The following IL1RAPL1 variants were observed in gnomAD, a reference collection of about 807,000 sequenced individuals.
IL1RAPL1 encodes the protein interleukin-1 receptor accessory protein-like 1.
A neutral mutation model predicts 48.4 loss-of-function variants in IL1RAPL1; 3 were observed. The observed-to-expected ratio is 0.06, with a 90% CI of 0.03 to 0.16. The LOEUF is 0.16. IL1RAPL1 is among the 10% of genes least tolerant of loss of function. The probability of loss-of-function intolerance (pLI) is 1.00; values close to 1 mark genes in which losing one functional copy is unlikely to be tolerated. For synonymous variants in IL1RAPL1, 185 were observed against 187.7 expected (o/e 0.99, Z 0.12); for missense variants, 349 against 530.6 (o/e 0.66, Z 3.36).
rs575177386 is a variant in IL1RAPL1 at position 29,012,651 on chromosome X, C to A, written c.82+223226C>A. ...ATACCCCAAAGAAATCAACAGTTTA[C>A]AAATGGAAAACTCATTTTGAGAAGG... On this transcript the variant is annotated intron_variant, in intron 2 of 10. Coordinates refer to ENST00000378993, the MANE Select transcript of IL1RAPL1 (RefSeq NM_014271.4). Among the ~76,000 whole-genome samples the A allele has an allele frequency of 7.1e-5, 8 of 112,104 alleles. No individual in the cohort carries two copies. The South Asian group carries it at 3.0e-3, about 41-fold the overall frequency.
chrX:28,642,493 G>A (rs1934558206), intron 1 of IL1RAPL1, among the ~76,000 whole-genome samples: 1 of 111,950 alleles, frequency 8.9e-6, no homozygotes, highest in African/African-American at 3.3e-5. Flanking sequence ...TAGAACTCAG[G>A]ATTAAGAAAC....
chrX:29,591,430 T>C (rs1422846665), intron 5 of IL1RAPL1, among the ~76,000 whole-genome samples: 1 of 112,636 alleles, frequency 8.9e-6, no homozygotes, highest in East Asian at 2.8e-4. Context: ...AGGACACTTC[T>C]GTGAATTAGC....
rs748535251 is a variant in IL1RAPL1, at chrX:29,230,528, A to AAAAAAAAAAAAAAAAC, written c.83-52403_83-52402insAAAAAAAACAAAAAAA. 3.0e-5 allele frequency among the ~76,000 whole-genome samples: 3 copies of AAAAAAAAAAAAAAAAC among 99,108 alleles called. 1 individual carries two copies. Among genetic ancestry groups the AAAAAAAAAAAAAAAAC allele is most frequent in the Non-Finnish European group, 6.1e-5 (3 of 48,842 alleles). 86.1% of individuals were successfully genotyped at this position (99,108 alleles called of 115,157 possible). A position where few individuals can be genotyped will look rare whatever the true frequency, so the allele number is the denominator to read the frequency against. On this transcript the variant is annotated intron_variant, in intron 2 of 10. Coordinates refer to ENST00000378993, the MANE Select transcript of IL1RAPL1 (RefSeq NM_014271.4). ...CCAAAAAAAAAAAAAAAAAAAAAAA[A>AAAAAAAAAAAAAAAAC]AAAAAAACCTTGTTGTCTCTCAGGC...
intron 1 of IL1RAPL1, among the ~76,000 whole-genome samples, chrX:28,669,948 C>A (rs1045416611): frequency 5.5e-5 from 6 of 109,264 alleles, no homozygotes; most frequent in Admixed American, 1.0e-4. Context: ...TTTTCTCAGG[C>A]AAATGTAGAG....
At chrX:29,117,845 G>A (rs1928706802) in intron 2 of IL1RAPL1, among the ~76,000 whole-genome samples, 1 of 111,515 alleles carries the variant, frequency 9.0e-6, no homozygotes, top group Admixed American at 9.5e-5. Context: ...TTACTTAAAT[G>A]TGACTGTTTC....
At chrX:29,738,589 C>T (rs1354145673) in intron 6 of IL1RAPL1, among the ~76,000 whole-genome samples, 1 of 108,707 alleles carries the variant, frequency 9.2e-6, no homozygotes, top group Non-Finnish European at 1.9e-5. Flanking sequence ...GGGCTACAGG[C>T]GAGTGCCACC....
At chrX:29,945,547 GATA>G (rs1488947792) in intron 9 of IL1RAPL1, among the ~76,000 whole-genome samples, 1 of 112,393 alleles carries the variant, frequency 8.9e-6, no homozygotes, top group African/African-American at 3.2e-5. Context: ...ATAGCAATAT[GATA>G]ATAATAGATT....
intron 5 of IL1RAPL1, among the ~76,000 whole-genome samples, chrX:29,647,525 G>A (rs139006835): frequency 4.1e-4 from 46 of 111,323 alleles, no homozygotes; most frequent in African/African-American, 1.5e-3. Context: ...ATATGAGTGT[G>A]TGTGGAGTTA....
At chrX:29,638,625 A>G (rs1320210479) in intron 5 of IL1RAPL1, among the ~76,000 whole-genome samples, 7 of 111,830 alleles carry the variant, frequency 6.3e-5, no homozygotes, top group African/African-American at 2.0e-4. Flanking sequence ...CCAACTTGCA[A>G]ATGAATACTT....
intron 2 of IL1RAPL1, among the ~76,000 whole-genome samples, chrX:29,265,332 G>A (rs971756143): frequency 1.0e-4 from 11 of 109,064 alleles, no homozygotes; most frequent in African/African-American, 3.7e-4. Flanking sequence ...AATATGAATG[G>A]CATTGTTGTA....
intron 3 of IL1RAPL1, among the ~76,000 whole-genome samples, chrX:29,343,587 A>T (rs1441476632): frequency 8.9e-6 from 1 of 112,074 alleles, no homozygotes; most frequent in Non-Finnish European, 1.9e-5. Context: ...TGATTTTATT[A>T]AGTGTCTTAT....
chrX:28,615,496 C>T (rs1178675453), intron 1 of IL1RAPL1, among the ~76,000 whole-genome samples: 1 of 109,842 alleles, frequency 9.1e-6, no homozygotes. Context: ...AGTATAATGG[C>T]ATTTTTGAAA....
chrX:28,790,440 A>T (rs1046676118), intron 2 of IL1RAPL1, among the ~76,000 whole-genome samples: 1 of 113,037 alleles, frequency 8.8e-6, no homozygotes, highest in African/African-American at 3.2e-5. Flanking sequence ...TGATATAACG[A>T]AAAAGCCCAC....
intron 3 of IL1RAPL1, among the ~76,000 whole-genome samples, chrX:29,330,988 G>A (rs1226433867): frequency 9.0e-6 from 1 of 110,568 alleles, no homozygotes; most frequent in African/African-American, 3.3e-5. Context: ...CCAACATGGT[G>A]AAACCCCATC....
chrX:28,783,476 A>G (rs1936442993), intron 1 of IL1RAPL1, among the ~76,000 whole-genome samples: 1 of 108,822 alleles, frequency 9.2e-6, no homozygotes, highest in Admixed American at 1.0e-4. Context: ...GCGCTATAGG[A>G]ATAAATGGTC....
At chrX:29,427,972 C>T (rs1446012340) in intron 5 of IL1RAPL1, among the ~76,000 whole-genome samples, 2 of 111,759 alleles carry the variant, frequency 1.8e-5, no homozygotes, top group African/African-American at 6.5e-5. Flanking sequence ...AAATTCCTCC[C>T]GTAGTTATCT....
At chrX:28,882,653 C>A (rs1922532110) in intron 2 of IL1RAPL1, among the ~76,000 whole-genome samples, 1 of 110,541 alleles carries the variant, frequency 9.0e-6, no homozygotes, top group South Asian at 3.7e-4. Context: ...GAGCCCCCGC[C>A]ACTGCAAAAA....
chrX:28,712,105 A>G (rs184933867), intron 1 of IL1RAPL1, among the ~76,000 whole-genome samples: 45 of 111,424 alleles, frequency 4.0e-4, no homozygotes, highest in African/African-American at 1.5e-3. Flanking sequence ...ACATTAAACT[A>G]GAAAGTCTGA....
intron 2 of IL1RAPL1, among the ~76,000 whole-genome samples, chrX:29,146,172 C>T (rs1929346801): frequency 8.9e-6 from 1 of 111,783 alleles, no homozygotes; most frequent in Non-Finnish European, 1.9e-5. Context: ...GCTACCTTTC[C>T]CTCTTGCTCA....
Sources: allele counts gnomAD v4.1 joint callset (sites outside exome capture counted in the v4.1 genomes callset), GRCh38; gene constraint gnomAD v4.1.1; transcripts MANE v1.5; gene names NCBI Gene and HGNC (gene_info 2026-07-23, HGNC 2026-07-21).